The following SMCO4 variants were observed in gnomAD, a reference collection of about 807,000 sequenced individuals.
The protein encoded by SMCO4 is single-pass membrane and coiled-coil domain-containing protein 4.
In SMCO4, 4 loss-of-function variants were observed where a neutral mutation model predicts 3.6. That is an observed-to-expected ratio of 1.11 (90% CI 0.54 to 2.53). The LOEUF (loss-of-function observed/expected upper bound fraction) is 2.53. Ranked by LOEUF, SMCO4 falls within the 30% of genes most tolerant of loss-of-function variation. SMCO4 has a pLI of 0.02. For synonymous variants in SMCO4, 36 were observed against 35.3 expected, an observed-to-expected ratio of 1.02 and a Z score of -0.07; for missense variants, 70 against 80.8, an observed-to-expected ratio of 0.87 and a Z score of 0.51.
chr11:93,501,721 A>G (rs1316430320), intron 1 of SMCO4, among the ~76,000 whole-genome samples: 1 of 152,082 alleles, frequency 6.6e-6, no homozygotes, highest in Non-Finnish European at 1.5e-5. Context: ...GGTTCCAGGG[A>G]TGTTCTAATC....
chr11:93,508,762 A>T (rs1458250875), intron 1 of SMCO4, among the ~76,000 whole-genome samples: 2 of 152,226 alleles, frequency 1.3e-5, no homozygotes, highest in African/African-American at 4.8e-5. Flanking sequence ...AAATAAAAAG[A>T]AGTAGTGAGG....
intron 1 of SMCO4, among the ~76,000 whole-genome samples, chr11:93,506,656 T>C (rs926849165): frequency 1.3e-5 from 2 of 152,108 alleles, no homozygotes; most frequent in African/African-American, 4.8e-5. Flanking sequence ...TTAGCCAGGA[T>C]GGTCTCGCTC....
chr11:93,534,258 ACAC>A (rs1949193808), intron 1 of SMCO4, among the ~76,000 whole-genome samples: 3 of 145,584 alleles, frequency 2.1e-5, no homozygotes, highest in Non-Finnish European at 4.5e-5. Context: ...ACACACACAC[ACAC>A]AAACACATAT....
At chr11:93,509,139 A>C (rs1221703034) in intron 1 of SMCO4, among the ~76,000 whole-genome samples, 1 of 152,016 alleles carries the variant, frequency 6.6e-6, no homozygotes, top group Non-Finnish European at 1.5e-5. Flanking sequence ...AAAAAAAAAA[A>C]AGTTAGCTGG....
chr11:93,501,289 G>C (rs923974027), intron 1 of SMCO4, among the ~76,000 whole-genome samples: 1 of 152,232 alleles, frequency 6.6e-6, no homozygotes, highest in Non-Finnish European at 1.5e-5. Context: ...CAGCAGAAGT[G>C]TCTTGGACAG....
At chr11:93,539,266 TAAA>T (rs151130705) in intron 1 of SMCO4, among the ~76,000 whole-genome samples, 2 of 139,328 alleles carry the variant, frequency 1.4e-5, no homozygotes. Context: ...GACTCAAGGG[TAAA>T]AAAAAAAAAA....
intron 2 of SMCO4, among the ~76,000 whole-genome samples, chr11:93,484,689 T>TA (rs951210558): frequency 5.0e-4 from 26 of 52,024 alleles, no homozygotes; most frequent in African/African-American, 1.4e-3. Flanking sequence ...CAGGGAATTC[T>TA]TTTTTTTTTT....
intron 2 of SMCO4, among the ~76,000 whole-genome samples, chr11:93,497,247 C>T (rs890649352): frequency 1.3e-5 from 2 of 152,102 alleles, no homozygotes; most frequent in African/African-American, 4.8e-5. Flanking sequence ...GGCAATAAAG[C>T]ACTGTGCTCT....
chr11:93,538,960 C>G (rs1264725771), intron 1 of SMCO4, among the ~76,000 whole-genome samples: 1 of 152,226 alleles, frequency 6.6e-6, no homozygotes, highest in Non-Finnish European at 1.5e-5. Flanking sequence ...GACTAAGTCC[C>G]AACCCTGGCA....
rs1035870536 is a variant in SMCO4, at chr11:93,508,392, CAAGT to C, written c.-153-9048_-153-9045del. Among the ~76,000 whole-genome samples, 9 of 152,274 alleles carry C rather than the reference CAAGT, an allele frequency of 5.9e-5. No individual in the cohort carries two copies. In the South Asian group the frequency reaches 8.3e-4, roughly 14 times the overall value. ...CTCCATGAACATATGATTCTGAAAA[CAAGT>C]AAGTATGATAAGAAGTCAAACTGTA... On this transcript the variant is annotated intron_variant, in intron 1 of 2. Transcript: ENST00000298966.
upstream of SMCO4, among the ~76,000 whole-genome samples, chr11:93,547,156 C>T (rs1161839625): frequency 6.6e-6 from 1 of 152,208 alleles, no homozygotes; most frequent in Non-Finnish European, 1.5e-5. Flanking sequence ...TGATTCCTAA[C>T]AGACACCTTG....
intron 1 of SMCO4, among the ~76,000 whole-genome samples, chr11:93,519,689 A>G (rs1380997947): frequency 6.6e-6 from 1 of 152,226 alleles, no homozygotes; most frequent in African/African-American, 2.4e-5. Context: ...GTGGCTTATT[A>G]TGGATCCAGA....
rs139196846 is a variant in SMCO4 at position 93,482,552 on chromosome 11, G to A, written c.-80-3283C>T. Among the ~76,000 whole-genome samples the A allele has an allele frequency of 3.5e-4, 54 of 152,290 alleles. No individual in the cohort carries two copies. The East Asian group carries it at 8.9e-3, about 25-fold the overall frequency. ...AGTCCTTTCACCCTGACAGCTACAG[G>A]GCAGGAAGGGGAAGAGCAAGCATGG... is the stretch of plus-strand genomic sequence containing the variant. On this transcript the variant is annotated intron_variant, in intron 2 of 2. Transcript: ENST00000298966.
At chr11:93,513,098 C>T (rs1948973750) in intron 1 of SMCO4, among the ~76,000 whole-genome samples, 2 of 152,178 alleles carry the variant, frequency 1.3e-5, no homozygotes, top group Non-Finnish European at 2.9e-5. Flanking sequence ...ATCCAACTTG[C>T]ATTTTATAAG....
At chr11:93,509,183 C>T (rs938042097) in intron 1 of SMCO4, among the ~76,000 whole-genome samples, 3 of 151,774 alleles carry the variant, frequency 2.0e-5, no homozygotes, top group Non-Finnish European at 2.9e-5. Context: ...CTCAGATACT[C>T]GGGAGGCCAA....
chr11:93,534,213 TATACACACACACACACACACACACAC>T (rs200045809), intron 1 of SMCO4, among the ~76,000 whole-genome samples: 1,940 of 25,916 alleles, frequency 0.075, 128 homozygotes, highest in East Asian at 0.46. Context: ...AAAATATATA[TATACACACACACACACACACACACAC>T]ACACACACAC....
intron 2 of SMCO4, among the ~76,000 whole-genome samples, chr11:93,482,653 T>C (rs1281508789): frequency 6.6e-6 from 1 of 152,202 alleles, no homozygotes. Flanking sequence ...AGGTCAACTG[T>C]GAGAAGACAG....
intron 1 of SMCO4, among the ~76,000 whole-genome samples, chr11:93,536,271 A>G (rs561984630): frequency 6.6e-6 from 1 of 152,256 alleles, no homozygotes; most frequent in Non-Finnish European, 1.5e-5. Flanking sequence ...TAGTATGGGT[A>G]CTGCTGCAAC....
chr11:93,546,258 C>T (rs1949315272), upstream of SMCO4, among the ~76,000 whole-genome samples: 1 of 152,206 alleles, frequency 6.6e-6, no homozygotes, highest in African/African-American at 2.4e-5. Flanking sequence ...GAGCATCACA[C>T]TTCATGTAAA....
Sources: gnomAD v4.1 joint callset for allele counts (sites outside exome capture counted in the v4.1 genomes callset) on GRCh38, gnomAD v4.1.1 for gene constraint, MANE v1.5 for transcripts, NCBI Gene and HGNC (gene_info 2026-07-23, HGNC 2026-07-21) for gene names.